Variants in SGMS1 observed in about 807,000 individuals in gnomAD.
SGMS1 encodes the protein sphingomyelin synthase 1, also known as phosphatidylcholine:ceramide cholinephosphotransferase 1.
Under a neutral mutation model 46.2 loss-of-function variants are expected in SGMS1, and 13 were observed. That is an observed-to-expected ratio of 0.28 (90% CI 0.18 to 0.45). The LOEUF (loss-of-function observed/expected upper bound fraction) is 0.45. SGMS1 is among the 20% of genes least tolerant of loss of function. The pLI is 1.00. For synonymous variants in SGMS1, 203 were observed against 187.8 expected, an observed-to-expected ratio of 1.08 and a Z score of -0.66; for missense variants, 324 against 519.9, an observed-to-expected ratio of 0.62 and a Z score of 3.66.
chr10:50,373,873 T>C (rs1322767046), intron 6 of SGMS1, among the ~76,000 whole-genome samples: 1 of 152,218 alleles, frequency 6.6e-6, no homozygotes, highest in African/African-American at 2.4e-5. Flanking sequence ...ATCTTGACCA[T>C]GTGCTACTCC....
At chr10:50,346,781 A>G (rs1486728224) in intron 6 of SGMS1, among the ~76,000 whole-genome samples, 1 of 151,958 alleles carries the variant, frequency 6.6e-6, no homozygotes, top group African/African-American at 2.4e-5. Context: ...GCTCACTGCA[A>G]TCTCTATCTC....
At chr10:50,574,907 C>T (rs1346865963) in intron 2 of SGMS1, among the ~76,000 whole-genome samples, 1 of 138,020 alleles carries the variant, frequency 7.2e-6, no homozygotes, top group Non-Finnish European at 1.6e-5. Context: ...CCCATAAGTA[C>T]ATGTAATTAT....
intron 2 of SGMS1, among the ~76,000 whole-genome samples, chr10:50,577,258 A>T (rs1023753032): frequency 6.6e-6 from 1 of 152,180 alleles, no homozygotes; most frequent in Non-Finnish European, 1.5e-5. Context: ...GGTGATGGTC[A>T]GTTAATTTGT....
In SGMS1 at chr10:50,325,330, T is replaced by C. The variant is rs1847513451; in HGVS notation, c.741+1875A>G. On this transcript the variant is annotated intron_variant, in intron 8 of 10. Transcript: ENST00000361781. Reference sequence around the variant, plus strand: ...AAGAGTCTTATTCTACAAAATTAGATTTTGTAGTAATTAGATTTAATGAGT... The same window carrying C: ...AAGAGTCTTATTCTACAAAATTAGACTTTGTAGTAATTAGATTTAATGAGT... Among the ~76,000 whole-genome samples the C allele has an allele frequency of 2.0e-5, 3 of 151,944 alleles. No individual in the cohort carries two copies. In the South Asian group the frequency reaches 6.2e-4, roughly 31 times the overall value.
At chr10:50,434,989 A>G (rs1435313200) in intron 5 of SGMS1, among the ~76,000 whole-genome samples, 1 of 152,192 alleles carries the variant, frequency 6.6e-6, no homozygotes, top group Non-Finnish European at 1.5e-5. Context: ...CAATAAAAAT[A>G]GCAAGGAAGA....
chr10:50,596,504 C>T (rs10763587), intron 1 of SGMS1, among the ~76,000 whole-genome samples: 58,720 of 152,124 alleles, frequency 0.39, 12,538 homozygotes, highest in African/African-American at 0.57. Context: ...AATATGATAG[C>T]TTCCACATTC....
intron 1 of SGMS1, among the ~76,000 whole-genome samples, chr10:50,619,745 AC>A (rs1161906451): frequency 6.6e-6 from 1 of 152,220 alleles, no homozygotes; most frequent in African/African-American, 2.4e-5. Context: ...TTGTGGCTTT[AC>A]ATCATTAAGG....
At chr10:50,401,367 T>A (rs965809054) in intron 6 of SGMS1, among the ~76,000 whole-genome samples, 1 of 152,226 alleles carries the variant, frequency 6.6e-6, no homozygotes, top group Admixed American at 6.5e-5. Context: ...CTTTAAAAAC[T>A]CTTTGATGGA....
At chr10:50,442,671 T>A (rs987345232) in intron 5 of SGMS1, among the ~76,000 whole-genome samples, 12 of 152,226 alleles carry the variant, frequency 7.9e-5, no homozygotes, top group Admixed American at 7.9e-4. Context: ...GTCTTTGTAA[T>A]AGAACAATTT....
At chr10:50,597,545 A>G (rs1175831817) in intron 1 of SGMS1, among the ~76,000 whole-genome samples, 4 of 152,228 alleles carry the variant, frequency 2.6e-5, no homozygotes, top group Admixed American at 2.6e-4. Context: ...CACTTACATA[A>G]TAGTCTTACA....
At chr10:50,328,441 T>C (rs1043762035) in intron 7 of SGMS1, among the ~76,000 whole-genome samples, 1 of 152,232 alleles carries the variant, frequency 6.6e-6, no homozygotes, top group Non-Finnish European at 1.5e-5. Context: ...TTATGCAGGA[T>C]GGGCATACCT....
rs1212082749 is a variant in SGMS1, at chr10:50,492,680, C to G, written c.-497-25748G>C. ...TGAAACAAACAAATGGAAAAATATT[C>G]TGTACTCATGGATAGGAAGAATCAA... On this transcript the variant is annotated intron_variant, in intron 3 of 10. Transcript: ENST00000361781. Among the ~76,000 whole-genome samples the G allele has an allele frequency of 3.3e-5, 5 of 152,304 alleles. No individual in the cohort carries two copies. In the East Asian group the frequency reaches 9.6e-4, roughly 29 times the overall value.
At chr10:50,458,603 C>T (rs1837226212) in intron 5 of SGMS1, among the ~76,000 whole-genome samples, 1 of 151,992 alleles carries the variant, frequency 6.6e-6, no homozygotes. Context: ...TCGTGATCTG[C>T]CCGTCTCAGC....
chr10:50,549,310 A>G (rs1473809255), intron 2 of SGMS1, among the ~76,000 whole-genome samples: 2 of 152,224 alleles, frequency 1.3e-5, no homozygotes, highest in Non-Finnish European at 2.9e-5. Context: ...CCCATCAGTG[A>G]TAGACTGGAT....
intron 6 of SGMS1, among the ~76,000 whole-genome samples, chr10:50,375,901 T>C (rs1848515718): frequency 6.6e-6 from 1 of 152,162 alleles, no homozygotes; most frequent in African/African-American, 2.4e-5. Flanking sequence ...CTCACTATGA[T>C]GTCCAGGCTA....
intron 2 of SGMS1, among the ~76,000 whole-genome samples, chr10:50,543,569 G>T (rs943634599): frequency 3.3e-5 from 5 of 152,244 alleles, no homozygotes; most frequent in African/African-American, 9.6e-5. Flanking sequence ...GAAACAAAGT[G>T]TGGCTGATGT....
intron 6 of SGMS1, among the ~76,000 whole-genome samples, chr10:50,411,124 T>G (rs920057520): frequency 2.6e-5 from 4 of 152,192 alleles, no homozygotes; most frequent in African/African-American, 9.6e-5. Context: ...TAGAAGCCAA[T>G]AATTCCAGTG....
intron 6 of SGMS1, among the ~76,000 whole-genome samples, chr10:50,386,075 A>G (rs1848677093): frequency 6.6e-6 from 1 of 152,170 alleles, no homozygotes; most frequent in Admixed American, 6.5e-5. Context: ...TGCCTAACAC[A>G]TGGTAGTTAT....
chr10:50,327,900 G>A (rs901612939), intron 7 of SGMS1, among the ~76,000 whole-genome samples: 5 of 152,144 alleles, frequency 3.3e-5, no homozygotes, highest in Admixed American at 3.3e-4. Context: ...AGCTTGGGAT[G>A]CACATTTACT....
Sources: allele counts gnomAD v4.1 joint callset (sites outside exome capture counted in the v4.1 genomes callset), GRCh38; gene constraint gnomAD v4.1.1; transcripts MANE v1.5; gene names NCBI Gene and HGNC (gene_info 2026-07-23, HGNC 2026-07-21).